The following PCDHGA7 variants were observed in gnomAD, a reference collection of about 807,000 sequenced individuals.
The protein encoded by PCDHGA7 is protocadherin gamma subfamily A, 7.
PCDHGA7 carries 44 observed loss-of-function variants against 58.3 expected under a neutral mutation model. The observed-to-expected ratio is 0.75, with a 90% CI of 0.59 to 0.97. PCDHGA7 has a LOEUF of 0.97. Ranked by LOEUF, PCDHGA7 falls within the 50% of genes least tolerant of loss-of-function variation. The pLI is 0.00. For missense variants in PCDHGA7, 1,266 were observed against 1,188.7 expected (o/e 1.06, Z -0.96); for synonymous variants, 516 against 504.2 (o/e 1.02, Z -0.31).
chr5:141,389,660 G>A (rs1302432237), intron 1 of PCDHGA7: 4 of 1,612,338 alleles, frequency 2.5e-6, no homozygotes, highest in African/African-American at 2.7e-5. Flanking sequence ...TAGTGGCGGT[G>A]GACGCAGACT....
chr5:141,487,355 G>A lies in PCDHGA7; in HGVS notation c.2425-7452G>A. ...AGCCTGTGGAGTCACATGCTTTCCT[G>A]CTGGCACCTGTGCCTGTCTCACCAG... On this transcript the variant is annotated intron_variant, in intron 1 of 3. Coordinates refer to ENST00000518325, the MANE Select transcript of PCDHGA7 (RefSeq NM_018920.4). This position sits in a 1 kb window ranked among gnomAD's most constrained non-coding sequence, Gnocchi z 5.0. 1 of 1,614,150 alleles carries A rather than the reference G, an allele frequency of 6.2e-7. No homozygotes were observed. Among genetic ancestry groups the A allele is most frequent in the South Asian group, 1.1e-5 (1 of 91,090 alleles).
chr5:141,497,406 C>T lies in PCDHGA7; in HGVS notation c.2483+2541C>T, dbSNP rs892691245. 1.2e-4 allele frequency among the ~76,000 whole-genome samples: 19 copies of T among 152,174 alleles called. No individual in the cohort carries two copies. The East Asian group carries it at 1.5e-3, about 12-fold the overall frequency. ...AGCACCTTACCCCTGCCTCAACTCC[C>T]ATTCCATCAAATGAGAGGCTTAGTG... On this transcript the variant is annotated intron_variant, in intron 2 of 3. Transcript: ENST00000518325.
Position 141,453,292 on chromosome 5 carries a change from T to A in PCDHGA7, c.2425-41515T>A, listed in dbSNP as rs141563552. The stretch of plus-strand genomic sequence containing the variant: ...CCATGACTGGCTAATTTTTTAATTA[T>A]TTATTTATTTATTTATTTATTTTAG... On this transcript the variant is annotated intron_variant, in intron 1 of 3. Transcript: ENST00000518325. Among the ~76,000 whole-genome samples, 253 of 151,810 alleles carry A rather than the reference T, an allele frequency of 1.7e-3. 1 individual carries two copies. The highest frequency in any genetic ancestry group is 2.6e-3 in the Non-Finnish European group (178 of 67,938).
intron 1 of PCDHGA7, chr5:141,414,488 C>T (rs755499269): frequency 2.5e-6 from 4 of 1,613,914 alleles, no homozygotes; most frequent in African/African-American, 2.7e-5. Flanking sequence ...CCTCTATCAA[C>T]GGAAGCTCAC....
At chr5:141,399,066 G>C (rs770799351) in intron 1 of PCDHGA7, 5 of 1,613,726 alleles carry the variant, frequency 3.1e-6, no homozygotes, top group South Asian at 2.2e-5. Context: ...AATATTCAAT[G>C]GTTGTAGAAG....
rs777710801 is a variant in PCDHGA7, at chr5:141,400,340, A to G, written c.2424+15017A>G. On this transcript the variant is annotated intron_variant, in intron 1 of 3. Transcript: ENST00000518325. ...AAGTCTGGACCTGTGGTTCCCCCCA[A>G]CTACAGTCAGGGGACTTTGCCTTAT... The G allele has an allele frequency of 5.0e-6, 8 of 1,613,856 alleles. No homozygotes were observed. The highest frequency in any genetic ancestry group is 1.3e-5 in the African/African-American group (1 of 74,922).
In PCDHGA7 at chr5:141,489,327, G is replaced by A; in HGVS notation, c.2425-5480G>A. The A allele has an allele frequency of 6.2e-7, 1 of 1,603,940 alleles. No individual in the cohort carries two copies. Among genetic ancestry groups the A allele is most frequent in the South Asian group, 1.1e-5 (1 of 89,400 alleles). ...TGTGCTGCTGGGGCTGGGTGTCTGG[G>A]CAGCTTCGTTACTCAGTGGTGGAGG... is the stretch of plus-strand genomic sequence containing the variant. On this transcript the variant is annotated intron_variant, in intron 1 of 3. Transcript: ENST00000518325. This position sits in a 1 kb window ranked among gnomAD's most constrained non-coding sequence, Gnocchi z 4.5.
intron 1 of PCDHGA7, chr5:141,403,573 C>G: frequency 6.2e-7 from 1 of 1,613,946 alleles, no homozygotes; most frequent in South Asian, 1.1e-5. Context: ...AGGCAACTGC[C>G]CACCACCTGG....
intron 1 of PCDHGA7, chr5:141,426,560 G>A (rs1358683534): frequency 5.7e-6 from 2 of 352,756 alleles, no homozygotes; most frequent in South Asian, 2.1e-5. Flanking sequence ...AGAATAGATC[G>A]AGAGTCACTG....
chr5:141,419,240 G>T, intron 1 of PCDHGA7: 1 of 1,613,980 alleles, frequency 6.2e-7, no homozygotes. Flanking sequence ...CCTGGTCCAC[G>T]TGCCAGAAAA....
In PCDHGA7 at chr5:141,384,772, G is replaced by A; in HGVS notation, c.1873G>A (p.Glu625Lys). 6.2e-7 allele frequency: 1 copy of A among 1,613,920 alleles called. No individual in the cohort carries two copies. ...CTTTGCGGTTGGGCTGTACACGGGC[G>A]AGGTGCGCACGGCTCGGGCCCTGCT... ...GLFAVGLYTGEVRTARALLDR... is the reference protein window; with the variant it reads ...GLFAVGLYTGKVRTARALLDR... Residue 625 changes from glutamate (E) to lysine (K), a missense_variant, in exon 1 of 4, where the codon GAG (glutamate) becomes AAG (lysine). By Grantham distance (56) the Glu-to-Lys change is moderately conservative. Coordinates refer to ENST00000518325, the MANE Select transcript of PCDHGA7 (RefSeq NM_018920.4).
At position 141,421,474 on chromosome 5, in the gene PCDHGA7, G is replaced by C. The variant is rs1320526226; in HGVS notation, c.2424+36151G>C. 4 of 1,614,132 alleles carry C rather than the reference G, an allele frequency of 2.5e-6. No homozygotes were observed. The African/African-American group carries it at 5.3e-5, about 21-fold the overall frequency. On this transcript the variant is annotated intron_variant, in intron 1 of 3. Coordinates refer to ENST00000518325, the MANE Select transcript of PCDHGA7 (RefSeq NM_018920.4). ...GCTTTTCGCTGTGAATCCGCGAAGCGGCAGCTTGATCACGGCAGGCAGGAT... is the reference window on the plus strand; with the variant it reads ...GCTTTTCGCTGTGAATCCGCGAAGCCGCAGCTTGATCACGGCAGGCAGGAT...
intron 1 of PCDHGA7, chr5:141,393,531 C>G (rs997965420): frequency 6.2e-7 from 1 of 1,614,008 alleles, no homozygotes; most frequent in Non-Finnish European, 8.5e-7. Context: ...TGACAATGCC[C>G]CGGTTTTTCC....
chr5:141,395,562 G>T (rs975935179), intron 1 of PCDHGA7: 2 of 227,450 alleles, frequency 8.8e-6, no homozygotes, highest in Non-Finnish European at 1.7e-5. Context: ...GTGTGTGTGT[G>T]TGTGTGTGTG....
At chr5:141,508,961 A>C (rs991011427) in intron 3 of PCDHGA7, among the ~76,000 whole-genome samples, 2 of 151,978 alleles carry the variant, frequency 1.3e-5, no homozygotes, top group African/African-American at 4.8e-5. Context: ...TGTCAGCGGA[A>C]TGAAAGGGCT....
Position 141,384,938 on chromosome 5 carries a change from C to T in PCDHGA7, c.2039C>T (p.Pro680Leu), listed in dbSNP as rs754481008. The T allele has an allele frequency of 1.6e-5, 26 of 1,613,824 alleles. No individual in the cohort carries two copies. Among genetic ancestry groups the T allele is most frequent in the Non-Finnish European group, 2.2e-5 (26 of 1,179,986 alleles). The change falls in exon 1 of 4, where the codon CCC (proline) becomes CTC (leucine). Residue 680 changes from proline (P) to leucine (L), a missense_variant. Physicochemically the swap from Pro to Leu is moderately conservative, Grantham distance 98 (BLOSUM62 -3). Transcript: ENST00000518325. ...TTGGCCGACCTGGGCAGCCTTGAGC[C>T]CTCCGACGGTCCTTACAACTATGAC... ...EVLADLGSLE[P>L]SDGPYNYDLT...
chr5:141,483,869 G>A (rs2099587910), intron 1 of PCDHGA7, among the ~76,000 whole-genome samples: 1 of 152,126 alleles, frequency 6.6e-6, no homozygotes, highest in South Asian at 2.1e-4. Flanking sequence ...GTCCAGATCA[G>A]GATGGATTTT....
chr5:141,432,138 A>C lies in PCDHGA7; in HGVS notation c.2424+46815A>C, dbSNP rs2097456794. On this transcript the variant is annotated intron_variant, in intron 1 of 3. Coordinates refer to ENST00000518325, the MANE Select transcript of PCDHGA7 (RefSeq NM_018920.4). The surrounding 1 kb of genome is among the most constrained non-coding windows in gnomAD (Gnocchi z 6.0). ...TTCCCTCAGGCCTCCTATTCCGCTT[A>C]TATCCCAGAGAACAATCCCAGAGGA... 1 of 1,613,954 alleles carries C rather than the reference A, an allele frequency of 6.2e-7. No individual in the cohort carries two copies. Among genetic ancestry groups the C allele is most frequent in the African/African-American group, 1.3e-5 (1 of 74,882 alleles).
chr5:141,512,942 C>T lies in PCDHGA7; in HGVS notation c.*1769C>T, dbSNP rs1596321854. 3.3e-5 allele frequency: 5 copies of T among 151,644 alleles called. No individual in the cohort carries two copies. The South Asian group carries it at 1.0e-3, about 32-fold the overall frequency. The allele number at this position is 151,644 out of a possible 1,614,324, so 9.4% of individuals were successfully genotyped here. On this transcript the variant is annotated 3_prime_UTR_variant, in exon 4 of 4. Transcript: ENST00000518325. Reference sequence around the variant, plus strand: ...TAATATTTATATGGCTTTTTTTCTTCGACAAAAAAATAATAAAACGTTTCT... The same window carrying T: ...TAATATTTATATGGCTTTTTTTCTTTGACAAAAAAATAATAAAACGTTTCT...
Sources: gnomAD v4.1 joint callset for allele counts (sites outside exome capture counted in the v4.1 genomes callset) on GRCh38, gnomAD v4.1.1 for gene constraint, Gnocchi (gnomAD v3.1) non-coding constraint, MANE v1.5 for transcripts, NCBI Gene and HGNC (gene_info 2026-07-23, HGNC 2026-07-21) for gene names.